Variants in DCP1B observed in about 807,000 individuals in gnomAD.
DCP1B encodes mRNA-decapping enzyme 1B.
A neutral mutation model predicts 60.5 loss-of-function variants in DCP1B; 47 were observed. That is an observed-to-expected ratio of 0.78 (90% CI 0.61 to 0.99). The LOEUF is 0.99. Ranked by LOEUF, DCP1B falls within the 50% of genes least tolerant of loss-of-function variation. The pLI is 0.00. For synonymous variants in DCP1B, 267 were observed against 280.3 expected (o/e 0.95, Z 0.47); for missense variants, 725 against 756.8 (o/e 0.96, Z 0.49).
intron 3 of DCP1B, among the ~76,000 whole-genome samples, chr12:1,989,883 C>T (rs933417623): frequency 2.0e-5 from 3 of 152,170 alleles, no homozygotes; most frequent in Non-Finnish European, 2.9e-5. Context: ...TGGTCTAATT[C>T]AGCTTTTTGT....
intron 1 of DCP1B, among the ~76,000 whole-genome samples, chr12:2,001,242 A>AG (rs2042141106): frequency 6.6e-6 from 1 of 152,190 alleles, no homozygotes; most frequent in South Asian, 2.1e-4. Flanking sequence ...TTCTGAGCAA[A>AG]GTCCAGGGTT....
chr12:1,979,135 C>T (rs1475301211), intron 3 of DCP1B, among the ~76,000 whole-genome samples: 2 of 151,942 alleles, frequency 1.3e-5, no homozygotes, highest in Non-Finnish European at 2.9e-5. Flanking sequence ...GCCTCAGGCT[C>T]CCAAGTGGCT....
chr12:1,968,608 A>T (rs2031522271), intron 3 of DCP1B, among the ~76,000 whole-genome samples: 1 of 152,200 alleles, frequency 6.6e-6, no homozygotes, highest in South Asian at 2.1e-4. Flanking sequence ...AACACATTTC[A>T]TGTTTATTTT....
intron 4 of DCP1B, 58 bp from the exon 5 acceptor site, chr12:1,965,751 T>C: frequency 3.2e-6 from 5 of 1,547,156 alleles, no homozygotes; most frequent in Non-Finnish European, 4.4e-6. Flanking sequence ...CAAACAATGT[T>C]TAAAACCATC....
At position 1,993,377 on chromosome 12, in the gene DCP1B, T is replaced by G. The variant is rs755489073; in HGVS notation, c.206A>C (p.Lys69Thr). 1.9e-6 allele frequency: 3 copies of G among 1,611,524 alleles called. No individual in the cohort carries two copies. Among genetic ancestry groups the G allele is most frequent in the Non-Finnish European group, 2.5e-6 (3 of 1,178,156 alleles). ...LFVYTRSASPKHGFTIMNRLS... is the reference protein window; with the variant it reads ...LFVYTRSASPTHGFTIMNRLS... Reference sequence around the variant, plus strand: ...CCTATTCATAATGGTGAATCCATGCTTTGGAGAAGCAGACCTAAAAATCAC... The same window carrying G: ...CCTATTCATAATGGTGAATCCATGCGTTGGAGAAGCAGACCTAAAAATCAC... Residue 69 changes from lysine (K) to threonine (T), a missense_variant, in exon 3 of 9, where the codon AAG becomes ACG. Lys to Thr is a moderately conservative substitution (Grantham distance 78, BLOSUM62 -1). Transcript: ENST00000280665.
intron 2 of DCP1B, among the ~76,000 whole-genome samples, chr12:1,993,687 CGTT>C (rs1565859318): frequency 1.3e-5 from 2 of 150,584 alleles, no homozygotes; most frequent in African/African-American, 4.9e-5. Flanking sequence ...CTTAACCTAA[CGTT>C]GTAAATTCCT....
chr12:1,996,662 A>AAT (rs2040989544), intron 2 of DCP1B, among the ~76,000 whole-genome samples: 1 of 104,034 alleles, frequency 9.6e-6, no homozygotes. Flanking sequence ...AAAACAACAA[A>AAT]CTCTTCTAAT....
chr12:2,004,191 T>TC lies in DCP1B; in HGVS notation c.150+90dup. The stretch of plus-strand genomic sequence containing the variant: ...CCACTTCCAGGGCGTCAACGTCTCC[T>TC]CCCCCTCACCGGGTCCTCAAGTCCT... On this transcript the variant is annotated intron_variant, in intron 1 of 8. Coordinates refer to ENST00000280665, the MANE Select transcript of DCP1B (RefSeq NM_152640.5). 6 of 1,525,694 alleles carry TC rather than the reference T, an allele frequency of 3.9e-6. No individual in the cohort carries two copies. The South Asian group carries it at 7.1e-5, about 18-fold the overall frequency. 94.5% of individuals were successfully genotyped at this position (1,525,694 alleles called of 1,614,324 possible).
In DCP1B at chr12:1,952,589, C is replaced by T; in HGVS notation, c.1351G>A (p.Glu451Lys). The T allele has an allele frequency of 6.2e-7, 1 of 1,614,166 alleles. No individual in the cohort carries two copies. Residue 451 changes from glutamate to lysine, a missense_variant, in exon 7 of 9, where the codon GAG becomes AAG. Coordinates refer to ENST00000280665, the MANE Select transcript of DCP1B (RefSeq NM_152640.5). ...ACAATCTGAAGCTTCTTCAGTAACT[C>T]TTGAGGGGAGATCACTCCAGAGCTG... ...TGSSGVISPQ[E>K]LLKKLQIVQQ...
rs943846034 is a variant in DCP1B at position 1,968,557 on chromosome 12, C to T, written c.320-647G>A. 2.6e-5 allele frequency among the ~76,000 whole-genome samples: 4 copies of T among 152,190 alleles called. No individual in the cohort carries two copies. The South Asian group carries it at 6.2e-4, about 24-fold the overall frequency. ...TCACAATTTCTATACTTCCTGGCTG[C>T]GAGATAGCATTGTTTCTACACTCCA... On this transcript the variant is annotated intron_variant, in intron 3 of 8. Coordinates refer to ENST00000280665, the MANE Select transcript of DCP1B (RefSeq NM_152640.5).
At position 1,949,229 on chromosome 12, in the gene DCP1B, C is replaced by A; in HGVS notation, c.1630G>T (p.Gly544Cys). Reference protein sequence around the residue: ...TSVPPKERESGLLPVGGQEPP... With the variant: ...TSVPPKERESCLLPVGGQEPP... Reference sequence around the variant, plus strand: ...TCCTGGCCTCCCACAGGCAAGAGGCCGCTCTCCCTTTCCTTTGGCGGGACG... The same window carrying A: ...TCCTGGCCTCCCACAGGCAAGAGGCAGCTCTCCCTTTCCTTTGGCGGGACG... Residue 544 changes from glycine to cysteine, a missense_variant, in exon 8 of 9, where the codon GGC (glycine) becomes TGC (cysteine). By Grantham distance (159) the Gly-to-Cys change is radical. Coordinates refer to ENST00000280665, the MANE Select transcript of DCP1B (RefSeq NM_152640.5). The A allele has an allele frequency of 6.2e-7, 1 of 1,614,118 alleles. No individual in the cohort carries two copies. Among genetic ancestry groups the A allele is most frequent in the Non-Finnish European group, 8.5e-7 (1 of 1,180,036 alleles).
At chr12:1,961,914 T>C (rs542721130) in intron 5 of DCP1B, among the ~76,000 whole-genome samples, 1 of 152,284 alleles carries the variant, frequency 6.6e-6, no homozygotes, top group South Asian at 2.1e-4. Context: ...TGTTCTTTTA[T>C]GTGATGGTCA....
rs7958179 is a variant in DCP1B at position 1,977,613 on chromosome 12, A to G, written c.320-9703T>C. 5.6e-3 allele frequency among the ~76,000 whole-genome samples: 856 copies of G among 152,356 alleles called. 8 individuals carry two copies. The highest frequency in any genetic ancestry group is 9.4e-3 in the Non-Finnish European group (637 of 68,040). On this transcript the variant is annotated intron_variant, in intron 3 of 8. Transcript: ENST00000280665. ...TTATTTGGCACCACAGAATATAAGT[A>G]AAATATAAGATATGGTCTTTGCCCA...
At chr12:1,950,073 A>C (rs1310277393) in intron 7 of DCP1B, 4 of 489,264 alleles carry the variant, frequency 8.2e-6, no homozygotes, top group Admixed American at 3.3e-5. Flanking sequence ...ATTTGCTTCT[A>C]ACTCAGGGAA....
In DCP1B at chr12:1,955,528, G is replaced by C; in HGVS notation, c.555C>G (p.Thr185=). 6.2e-7 allele frequency: 1 copy of C among 1,613,654 alleles called. No individual in the cohort carries two copies. The highest frequency in any genetic ancestry group is 1.1e-5 in the South Asian group (1 of 91,062). Residue 185 remains threonine, a synonymous_variant, in exon 6 of 9, where the codon ACC becomes ACG. Transcript: ENST00000280665. Reference sequence around the variant, plus strand: ...GATTGTCATAGATGGCAGAGGAACTGGTTATCTTTTTTGGCTCAGAACAGG... The same window carrying C: ...GATTGTCATAGATGGCAGAGGAACTCGTTATCTTTTTTGGCTCAGAACAGG... The part of the protein sequence containing the change: ...CKTCSEPKKI[T]SSSAIYDNPN...
intron 6 of DCP1B, among the ~76,000 whole-genome samples, chr12:1,954,849 C>T (rs965660161): frequency 2.6e-5 from 4 of 152,136 alleles, no homozygotes; most frequent in African/African-American, 9.7e-5. Context: ...TATTAGTTTT[C>T]TAGGGTGCTT....
At position 1,953,000 on chromosome 12, in the gene DCP1B, G is replaced by T. The variant is rs144438349; in HGVS notation, c.940C>A (p.Arg314=). The T allele has an allele frequency of 6.2e-7, 1 of 1,614,100 alleles. No individual in the cohort carries two copies. Among genetic ancestry groups the T allele is most frequent in the East Asian group, 2.2e-5 (1 of 44,894 alleles). The stretch of plus-strand genomic sequence containing the variant: ...TGGGTACTGCCATTTTCACAAGGCC[G>T]GTTTTCAGGCAGCTCTGACAATGGG... ...LHPLSELPEN[R]PCENGSTHSA... The change falls in exon 7 of 9, where the codon CGG becomes AGG. Residue 314 remains arginine, a synonymous_variant. Coordinates refer to ENST00000280665, the MANE Select transcript of DCP1B (RefSeq NM_152640.5).
chr12:1,947,253 C>A (rs1042775841), intron 8 of DCP1B, among the ~76,000 whole-genome samples: 1 of 152,206 alleles, frequency 6.6e-6, no homozygotes, highest in Non-Finnish European at 1.5e-5. Flanking sequence ...CCCTCCCACC[C>A]AAATTCTTTA....
intron 2 of DCP1B, among the ~76,000 whole-genome samples, chr12:1,993,627 G>GGTGTGTGTGTGTGTGTGTGT (rs150056084): frequency 3.5e-4 from 51 of 146,584 alleles, no homozygotes; most frequent in Non-Finnish European, 3.5e-4. Context: ...CTTCATTTGT[G>GGTGTGTGTGTGTGTGTGTGT]GTGTGTGTGT....
Sources: gnomAD v4.1 joint callset for allele counts (sites outside exome capture counted in the v4.1 genomes callset) on GRCh38, gnomAD v4.1.1 for gene constraint, MANE v1.5 for transcripts, NCBI Gene and HGNC (gene_info 2026-07-23, HGNC 2026-07-21) for gene names.